RERG: variants seen among roughly 807,000 people sequenced by gnomAD.
RERG encodes the protein ras-related and estrogen-regulated growth inhibitor.
A neutral mutation model predicts 23.2 loss-of-function variants in RERG; 25 were observed. The observed-to-expected ratio is 1.08, with a 90% confidence interval of 0.79 to 1.50. The LOEUF is 1.50. Among genes scored for constraint, RERG ranks in the 40% most tolerant of loss-of-function variants. The pLI, the probability that RERG is intolerant of heterozygous loss-of-function variation, is 0.00. For missense variants in RERG, 253 were observed against 250.1 expected (o/e 1.01, Z -0.08); for synonymous variants, 81 against 89.1 (o/e 0.91, Z 0.51).
chr12:15,207,847 G>T (rs115664687), intron 2 of RERG, among the ~76,000 whole-genome samples: 28 of 152,228 alleles, frequency 1.8e-4, no homozygotes, highest in African/African-American at 6.3e-4. Context: ...ACACTGAGGG[G>T]ATAAAGTTAA....
rs1158220473 is a variant in RERG, at chr12:15,142,929, AT to A, written c.62-21811del. Among the ~76,000 whole-genome samples, 6 of 152,294 alleles carry A rather than the reference AT, an allele frequency of 3.9e-5. No homozygotes were observed. In the East Asian group the frequency reaches 1.2e-3, roughly 29 times the overall value. Reference sequence around the variant, plus strand: ...GCTTTCTTCTAGCTGTTCCAAACCCATTTCTTCACAGCGTGAGGTAGAAAAG... The same window carrying A: ...GCTTTCTTCTAGCTGTTCCAAACCCATTCTTCACAGCGTGAGGTAGAAAAG... On this transcript the variant is annotated intron_variant, in intron 2 of 4. Transcript: ENST00000256953.
intron 2 of RERG, among the ~76,000 whole-genome samples, chr12:15,139,014 C>CTTTTTTTTTTTTTTTTT (rs34755371): frequency 3.9e-5 from 2 of 51,116 alleles, no homozygotes; most frequent in African/African-American, 1.4e-4. Context: ...TGTGTCTAGA[C>CTTTTTTTTTTTTTTTTT]TTTTTTTTTT....
At chr12:15,158,787 C>T (rs1218673597) in intron 2 of RERG, among the ~76,000 whole-genome samples, 1 of 152,068 alleles carries the variant, frequency 6.6e-6, no homozygotes, top group Admixed American at 6.5e-5. Flanking sequence ...TATCAGGAGG[C>T]ATATGTTGTT....
At chr12:15,151,300 C>T (rs941888477) in intron 2 of RERG, among the ~76,000 whole-genome samples, 3 of 152,158 alleles carry the variant, frequency 2.0e-5, no homozygotes, top group Non-Finnish European at 4.4e-5. Flanking sequence ...GGAAAACATG[C>T]CTATTTCTCC....
intron 2 of RERG, among the ~76,000 whole-genome samples, chr12:15,162,466 A>G (rs1320036862): frequency 6.6e-6 from 1 of 152,238 alleles, no homozygotes; most frequent in Non-Finnish European, 1.5e-5. Flanking sequence ...TCTCATTCTT[A>G]GAGACAGGTC....
intron 2 of RERG, among the ~76,000 whole-genome samples, chr12:15,179,088 G>A (rs554183937): frequency 2.0e-4 from 30 of 152,126 alleles, no homozygotes; most frequent in Non-Finnish European, 2.5e-4. Context: ...AAGGAGAAGC[G>A]CAAGAGAGAA....
intron 2 of RERG, among the ~76,000 whole-genome samples, chr12:15,167,439 G>C (rs568523033): frequency 1.2e-3 from 176 of 152,266 alleles, no homozygotes; most frequent in African/African-American, 4.0e-3. Context: ...CAGATTGCTG[G>C]ACCCCGGCCC....
At chr12:15,181,613 T>A (rs761196554) in intron 2 of RERG, among the ~76,000 whole-genome samples, 7 of 152,234 alleles carry the variant, frequency 4.6e-5, no homozygotes, top group Non-Finnish European at 7.3e-5. Flanking sequence ...CATAGGATTG[T>A]TATGAGAATT....
intron 2 of RERG, among the ~76,000 whole-genome samples, chr12:15,139,013 A>ATTTTTT (rs1864189966): frequency 1.2e-4 from 4 of 33,508 alleles, no homozygotes; most frequent in African/African-American, 4.0e-4. Flanking sequence ...CTGTGTCTAG[A>ATTTTTT]CTTTTTTTTT....
At chr12:15,212,493 T>C (rs991875401) in intron 2 of RERG, among the ~76,000 whole-genome samples, 2 of 152,220 alleles carry the variant, frequency 1.3e-5, no homozygotes, top group African/African-American at 4.8e-5. Flanking sequence ...TATATAACTA[T>C]AAAACATGCA....
At chr12:15,145,159 C>A (rs1437221005) in intron 2 of RERG, among the ~76,000 whole-genome samples, 1 of 152,136 alleles carries the variant, frequency 6.6e-6, no homozygotes, top group African/African-American at 2.4e-5. Context: ...CCCTCTGCTC[C>A]CCCAGTTCCC....
At chr12:15,110,242 A>T (rs1266516056) in intron 4 of RERG, among the ~76,000 whole-genome samples, 1 of 152,094 alleles carries the variant, frequency 6.6e-6, no homozygotes, top group Admixed American at 6.5e-5. Context: ...TGACTTCTGG[A>T]GGCATGCACC....
intron 2 of RERG, among the ~76,000 whole-genome samples, chr12:15,164,632 C>T (rs1288465840): frequency 6.6e-6 from 1 of 152,184 alleles, no homozygotes; most frequent in Admixed American, 6.5e-5. Flanking sequence ...AGTTGCCATA[C>T]CCTGAGCTGT....
chr12:15,205,490 C>T (rs1293388684), intron 2 of RERG, among the ~76,000 whole-genome samples: 1 of 152,016 alleles, frequency 6.6e-6, no homozygotes, highest in Admixed American at 6.6e-5. Flanking sequence ...AAGTCCCAGA[C>T]TTTGGAACAG....
At chr12:15,125,063 G>A (rs993187998) in intron 2 of RERG, among the ~76,000 whole-genome samples, 23 of 151,804 alleles carry the variant, frequency 1.5e-4, no homozygotes, top group African/African-American at 5.6e-4. Context: ...TTTTCATTCT[G>A]TAACCTGCAG....
chr12:15,148,516 C>T (rs760088862), intron 2 of RERG, among the ~76,000 whole-genome samples: 1 of 152,158 alleles, frequency 6.6e-6, no homozygotes, highest in African/African-American at 2.4e-5. Flanking sequence ...AAGAATCAAA[C>T]TTAAGACACT....
rs5796626 is a variant in RERG, at chr12:15,120,495, T to TAA, written c.118+566_118+567dup. On this transcript the variant is annotated intron_variant, in intron 3 of 4. Transcript: ENST00000256953. ...CAAAAATAAAACAAAACAAAGAAAT[T>TAA]AAAAAAAAAACCAGGAAGAGTGTTT... 6.8e-3 allele frequency among the ~76,000 whole-genome samples: 1,019 copies of TAA among 149,212 alleles called. 9 individuals are homozygous for TAA. Among genetic ancestry groups the TAA allele is most frequent in the African/African-American group, 0.023 (930 of 40,876 alleles).
At chr12:15,142,909 C>T (rs1864261713) in intron 2 of RERG, among the ~76,000 whole-genome samples, 1 of 152,194 alleles carries the variant, frequency 6.6e-6, no homozygotes, top group African/African-American at 2.4e-5. Flanking sequence ...AGCCAGCTTT[C>T]TTCTAGCTGT....
At chr12:15,220,685 A>G (rs1680651519) in intron 1 of RERG, among the ~76,000 whole-genome samples, 2 of 152,156 alleles carry the variant, frequency 1.3e-5, no homozygotes, top group Non-Finnish European at 2.9e-5. Flanking sequence ...TGCGCTCATC[A>G]AAATCAAGTG....
Sources: gnomAD v4.1 joint callset for allele counts (sites outside exome capture counted in the v4.1 genomes callset) on GRCh38, gnomAD v4.1.1 for gene constraint, MANE v1.5 for transcripts, NCBI Gene and HGNC (gene_info 2026-07-23, HGNC 2026-07-21) for gene names.